MRPL50: variants seen among roughly 807,000 people sequenced by gnomAD.
MRPL50 encodes the protein mitochondrial ribosomal protein L50.
A neutral mutation model predicts 16.2 loss-of-function variants in MRPL50; 10 were observed. The ratio of observed to expected loss-of-function variants is 0.62; its 90% CI spans 0.38 to 1.05. The LOEUF (loss-of-function observed/expected upper bound fraction) is 1.05. MRPL50 is among the 50% of genes least tolerant of loss of function. The pLI is 0.01. For synonymous variants in MRPL50, 68 were observed against 66.8 expected, an observed-to-expected ratio of 1.02 and a Z score of -0.09; for missense variants, 213 against 187.1, an observed-to-expected ratio of 1.14 and a Z score of -0.81.
Position 101,390,621 on chromosome 9 carries a change from A to C in MRPL50, c.322T>G (p.Leu108Val), listed in dbSNP as rs755987915. 6.2e-7 allele frequency: 1 copy of C among 1,613,424 alleles called. No homozygotes were observed. The highest frequency in any genetic ancestry group is 1.3e-5 in the African/African-American group (1 of 75,000). The change falls in exon 2 of 2, where the codon TTG becomes GTG. Residue 108 changes from leucine to valine, a missense_variant. Transcript: ENST00000374865. The part of the protein sequence containing the change: ...FNLLAHLADD[L>V]GHVVPNSRLH... ...CTGGAGTTAGGGACTACATGACCCA[A>C]GTCATCAGCTAAATGAGCCAGAAGA... is the stretch of plus-strand genomic sequence containing the variant.
chr9:101,397,756 TAAGA>T (rs1467694379), intron 1 of MRPL50, among the ~76,000 whole-genome samples: 1 of 152,244 alleles, frequency 6.6e-6, no homozygotes, highest in Non-Finnish European at 1.5e-5. Context: ...GTTTTAAACC[TAAGA>T]GAGCATACAT....
At chr9:101,395,479 C>T (rs1830327452) in intron 1 of MRPL50, among the ~76,000 whole-genome samples, 5 of 152,088 alleles carry the variant, frequency 3.3e-5, no homozygotes, top group African/African-American at 1.2e-4. Context: ...TTTATTACAG[C>T]ACTATTCACA....
At chr9:101,392,702 AAAG>A (rs530293045) in intron 1 of MRPL50, among the ~76,000 whole-genome samples, 228 of 152,232 alleles carry the variant, frequency 1.5e-3, no homozygotes, top group African/African-American at 5.2e-3. Flanking sequence ...GCAAGCATTT[AAAG>A]AAGAACTAAT....
Position 101,389,512 on chromosome 9 carries a change from T to TA in MRPL50, c.*953dup. ...CCTGGGAAAGAGAATAAATGCAACT[T>TA]ATTTTGTTAAAAACCCTTCTATCAC... On this transcript the variant is annotated 3_prime_UTR_variant, in exon 2 of 2. Coordinates refer to ENST00000374865, the MANE Select transcript of MRPL50 (RefSeq NM_019051.3). 7.8e-7 allele frequency: 1 copy of TA among 1,277,690 alleles called. No homozygotes were observed. Among genetic ancestry groups the TA allele is most frequent in the Non-Finnish European group, 1.0e-6 (1 of 979,288 alleles). The allele number at this position is 1,277,690 out of a possible 1,614,324, so 79.1% of individuals were successfully genotyped here.
rs1830253264 is a variant in MRPL50, at chr9:101,390,365, T to C, written c.*101A>G. On this transcript the variant is annotated 3_prime_UTR_variant, in exon 2 of 2. Transcript: ENST00000374865. ...CAGAAAAAGTGGGTTTAGAGAACAG[T>C]TCTGGTAGTATTTCACATGGTAAAG... is the stretch of plus-strand genomic sequence containing the variant. The C allele has an allele frequency of 6.6e-7, 1 of 1,512,712 alleles. No homozygotes were observed. The highest frequency in any genetic ancestry group is 8.8e-7 in the Non-Finnish European group (1 of 1,133,960). The allele number at this position is 1,512,712 out of a possible 1,614,324, so 93.7% of individuals were successfully genotyped here.
chr9:101,390,447 T>A lies in MRPL50; in HGVS notation c.*19A>T, dbSNP rs917637156. The A allele has an allele frequency of 5.0e-6, 8 of 1,594,632 alleles. No homozygotes were observed. The highest frequency in any genetic ancestry group is 1.1e-5 in the South Asian group (1 of 87,318). ...TCAGGGAAAGACAGTGATTTCAATG[T>A]GTTTCTCTTCCGAATTGCTTAGTAA... On this transcript the variant is annotated 3_prime_UTR_variant, in exon 2 of 2. Coordinates refer to ENST00000374865, the MANE Select transcript of MRPL50 (RefSeq NM_019051.3).
rs754809552 is a variant in MRPL50, at chr9:101,390,416, C to T, written c.*50G>A. ...TATCAAAAGATCTAATGAGCAGCCCCCTTGCTCAGGGAAAGACAGTGATTT... is the reference window on the plus strand; with the variant it reads ...TATCAAAAGATCTAATGAGCAGCCCTCTTGCTCAGGGAAAGACAGTGATTT... On this transcript the variant is annotated 3_prime_UTR_variant, in exon 2 of 2. Coordinates refer to ENST00000374865, the MANE Select transcript of MRPL50 (RefSeq NM_019051.3). 3.2e-6 allele frequency: 5 copies of T among 1,562,794 alleles called. No individual in the cohort carries two copies. Among genetic ancestry groups the T allele is most frequent in the Middle Eastern group, 1.7e-4 (1 of 5,760 alleles).
chr9:101,392,416 G>C (rs949602208), intron 1 of MRPL50, among the ~76,000 whole-genome samples: 32 of 151,690 alleles, frequency 2.1e-4, no homozygotes, highest in African/African-American at 7.7e-4. Flanking sequence ...AAAAAAAACA[G>C]AGAAGACACA....
intron 1 of MRPL50, among the ~76,000 whole-genome samples, chr9:101,394,729 T>C (rs1038929499): frequency 6.6e-6 from 1 of 152,174 alleles, no homozygotes; most frequent in Admixed American, 6.5e-5. Flanking sequence ...CTTCAGGACA[T>C]TGGTCTGGGC....
At chr9:101,394,964 C>T (rs1171416650) in intron 1 of MRPL50, among the ~76,000 whole-genome samples, 2 of 151,944 alleles carry the variant, frequency 1.3e-5, no homozygotes, top group African/African-American at 2.4e-5. Flanking sequence ...TTCTGCATAG[C>T]AAAGGCAACA....
At position 101,398,547 on chromosome 9, in the gene MRPL50, A is replaced by G; in HGVS notation, c.46T>C (p.Trp16Arg). The G allele has an allele frequency of 6.2e-7, 1 of 1,614,120 alleles. No individual in the cohort carries two copies. The highest frequency in any genetic ancestry group is 1.7e-5 in the Admixed American group (1 of 60,034). ...VSGITRRVFM[W>R]TVSGTPCREF... Reference sequence around the variant, plus strand: ...CTACATGGTGTCCCTGAGACTGTCCACATGAAGACTCTTCTGGTAATGCCC... The same window carrying G: ...CTACATGGTGTCCCTGAGACTGTCCGCATGAAGACTCTTCTGGTAATGCCC... Residue 16 changes from tryptophan (W) to arginine (R), a missense_variant, in exon 1 of 2, where the codon TGG (tryptophan) becomes CGG (arginine). Physicochemically the swap from Trp to Arg is moderately radical, Grantham distance 101. Coordinates refer to ENST00000374865, the MANE Select transcript of MRPL50 (RefSeq NM_019051.3).
At position 101,389,595 on chromosome 9, in the gene MRPL50, A is replaced by C. The variant is rs1588148133; in HGVS notation, c.*871T>G. 4.8e-6 allele frequency: 3 copies of C among 628,436 alleles called. No individual in the cohort carries two copies. The highest frequency in any genetic ancestry group is 3.9e-5 in the South Asian group (2 of 51,410). 38.9% of individuals were successfully genotyped at this position (628,436 alleles called of 1,614,324 possible). The stretch of plus-strand genomic sequence containing the variant: ...TATAAGACATTCCTTCTGTCTCATT[A>C]CTCTCCAGCCATATCTAAAGCTTGA... On this transcript the variant is annotated 3_prime_UTR_variant, in exon 2 of 2. Coordinates refer to ENST00000374865, the MANE Select transcript of MRPL50 (RefSeq NM_019051.3).
intron 1 of MRPL50, among the ~76,000 whole-genome samples, chr9:101,392,759 AGAG>A (rs1395531316): frequency 2.0e-5 from 3 of 152,216 alleles, no homozygotes; most frequent in African/African-American, 7.2e-5. Flanking sequence ...AAAACACTGA[AGAG>A]GAGAGAATAC....
intron 1 of MRPL50, among the ~76,000 whole-genome samples, chr9:101,397,897 G>A (rs1289072638): frequency 6.6e-6 from 1 of 152,238 alleles, no homozygotes; most frequent in African/African-American, 2.4e-5. Context: ...GGGGAGTTAG[G>A]AGACATATGT....
intron 1 of MRPL50, among the ~76,000 whole-genome samples, chr9:101,393,558 CA>C (rs909123500): frequency 1.6e-4 from 24 of 151,376 alleles, no homozygotes; most frequent in South Asian, 6.3e-4. Flanking sequence ...AAATATCCAC[CA>C]AAAAAACTCT....
rs1315683017 is a variant in MRPL50, at chr9:101,389,510, C to T, written c.*956G>A. On this transcript the variant is annotated 3_prime_UTR_variant, in exon 2 of 2. Transcript: ENST00000374865. ...ACCCTGGGAAAGAGAATAAATGCAACTTATTTTGTTAAAAACCCTTCTATC... is the reference window on the plus strand; with the variant it reads ...ACCCTGGGAAAGAGAATAAATGCAATTTATTTTGTTAAAAACCCTTCTATC... 1 of 1,278,602 alleles carries T rather than the reference C, an allele frequency of 7.8e-7. No homozygotes were observed. Among genetic ancestry groups the T allele is most frequent in the East Asian group, 5.6e-5 (1 of 17,878 alleles). The allele number at this position is 1,278,602 out of a possible 1,614,324, so 79.2% of individuals were successfully genotyped here.
chr9:101,397,368 A>G (rs1479510733), intron 1 of MRPL50, among the ~76,000 whole-genome samples: 1 of 152,254 alleles, frequency 6.6e-6, no homozygotes, highest in Admixed American at 6.5e-5. Context: ...ATCAACATCA[A>G]GTTGTATATC....
At position 101,398,593 on chromosome 9, in the gene MRPL50, C is replaced by G. The variant is rs1161383111; in HGVS notation, c.-1G>C. 1.2e-6 allele frequency: 2 copies of G among 1,613,536 alleles called. No homozygotes were observed. Among genetic ancestry groups the G allele is most frequent in the South Asian group, 1.1e-5 (1 of 91,078 alleles). On this transcript the variant is annotated 5_prime_UTR_variant, in exon 1 of 2. Transcript: ENST00000374865. ...TGCCCGACACAGATCGCGCCGCCAT[C>G]TTCGATGAGATCCACGGGCCTGAGC...
At chr9:101,395,895 T>A (rs1830333619) in intron 1 of MRPL50, among the ~76,000 whole-genome samples, 1 of 152,218 alleles carries the variant, frequency 6.6e-6, no homozygotes, top group Non-Finnish European at 1.5e-5. Flanking sequence ...ATTGGGTGAC[T>A]ATAGTTAGTA....
Sources: gnomAD v4.1 joint callset for allele counts (sites outside exome capture counted in the v4.1 genomes callset) on GRCh38, gnomAD v4.1.1 for gene constraint, MANE v1.5 for transcripts, NCBI Gene and HGNC (gene_info 2026-07-23, HGNC 2026-07-21) for gene names.